KCNH7: variants seen among roughly 807,000 people sequenced by gnomAD.
The protein encoded by KCNH7 is potassium voltage-gated channel subfamily H member 7.
A neutral mutation model predicts 120.8 loss-of-function variants in KCNH7; 49 were observed. The observed-to-expected ratio is 0.41, with a 90% CI of 0.32 to 0.51. KCNH7 has a LOEUF of 0.51. Ranked by LOEUF, KCNH7 falls within the 20% of genes least tolerant of loss-of-function variation. KCNH7 has a pLI of 0.38. For synonymous variants in KCNH7, 547 were observed against 516.1 expected (o/e 1.06, Z -0.81); for missense variants, 1,097 against 1,446.6 (o/e 0.76, Z 3.92).
intron 2 of KCNH7, among the ~76,000 whole-genome samples, chr2:162,701,431 A>G (rs1686495144): frequency 6.6e-6 from 1 of 152,162 alleles, no homozygotes; most frequent in Admixed American, 6.6e-5. Context: ...GACACTGTCA[A>G]AAATTTATCT....
intron 2 of KCNH7, among the ~76,000 whole-genome samples, chr2:162,660,787 T>C (rs548130554): frequency 6.6e-6 from 1 of 152,188 alleles, no homozygotes; most frequent in Admixed American, 6.6e-5. Flanking sequence ...ATGTGTTAAA[T>C]CTAACACAAC....
intron 3 of KCNH7, among the ~76,000 whole-genome samples, chr2:162,522,589 T>G (rs952939657): frequency 6.6e-6 from 1 of 151,850 alleles, no homozygotes; most frequent in African/African-American, 2.4e-5. Flanking sequence ...ACACTGAAAA[T>G]CATCCTTGTA....
chr2:162,759,449 A>G (rs1688896153), intron 2 of KCNH7, among the ~76,000 whole-genome samples: 1 of 152,090 alleles, frequency 6.6e-6, no homozygotes, highest in Admixed American at 6.6e-5. Context: ...ATCACGGTAC[A>G]TTTTCAGTGG....
intron 6 of KCNH7, among the ~76,000 whole-genome samples, chr2:162,473,399 AT>A (rs1245016863): frequency 1.1e-4 from 16 of 152,144 alleles, no homozygotes; most frequent in African/African-American, 2.4e-5. Context: ...CCTTAATTTA[AT>A]TTGTGTCTTT....
chr2:162,446,870 T>C (rs950388160), intron 6 of KCNH7, among the ~76,000 whole-genome samples: 1 of 152,094 alleles, frequency 6.6e-6, no homozygotes, highest in Non-Finnish European at 1.5e-5. Context: ...CTTGGATCCA[T>C]GGTCACATTT....
chr2:162,786,781 G>A (rs565022853), intron 2 of KCNH7, among the ~76,000 whole-genome samples: 1 of 151,934 alleles, frequency 6.6e-6, no homozygotes, highest in Non-Finnish European at 1.5e-5. Context: ...TAAGAAGAGG[G>A]GTATCATCAG....
chr2:162,658,360 T>G (rs1263220389), intron 2 of KCNH7, among the ~76,000 whole-genome samples: 1 of 152,130 alleles, frequency 6.6e-6, no homozygotes, highest in African/African-American at 2.4e-5. Context: ...GTTTGTTTAT[T>G]CTTTTGTCAA....
intron 2 of KCNH7, among the ~76,000 whole-genome samples, chr2:162,579,063 A>T (rs1428126391): frequency 6.6e-6 from 1 of 152,034 alleles, no homozygotes; most frequent in Non-Finnish European, 1.5e-5. Flanking sequence ...GCATGAAGAA[A>T]AATGTGTCAG....
At chr2:162,710,230 T>A (rs1395668053) in intron 2 of KCNH7, among the ~76,000 whole-genome samples, 1 of 152,304 alleles carries the variant, frequency 6.6e-6, no homozygotes, top group East Asian at 1.9e-4. Context: ...ACAAATCTTT[T>A]ATAGACCCTG....
rs370501071 is a variant in KCNH7, at chr2:162,645,179, T to G, written c.308-108099A>C. Among the ~76,000 whole-genome samples the G allele has an allele frequency of 1.2e-4, 18 of 152,190 alleles. No homozygotes were observed. The East Asian group carries it at 3.5e-3, about 30-fold the overall frequency. ...GAAGCATTTTTTTTTAACAGAATTT[T>G]GCTCTGTCACCAGGCTGGAGTGCAG... On this transcript the variant is annotated intron_variant, in intron 2 of 15. Transcript: ENST00000332142.
intron 4 of KCNH7, among the ~76,000 whole-genome samples, chr2:162,516,106 C>T (rs144427008): frequency 7.4e-4 from 112 of 151,846 alleles, no homozygotes; most frequent in African/African-American, 2.4e-3. Flanking sequence ...CAATATTTAT[C>T]GCGTATCTGC....
At chr2:162,489,027 C>T (rs565461209) in intron 6 of KCNH7, among the ~76,000 whole-genome samples, 11 of 152,142 alleles carry the variant, frequency 7.2e-5, no homozygotes, top group South Asian at 6.2e-4. Flanking sequence ...CTAGCTAATT[C>T]GGTATTTTAA....
At chr2:162,578,107 C>T (rs1693749361) in intron 2 of KCNH7, among the ~76,000 whole-genome samples, 1 of 152,062 alleles carries the variant, frequency 6.6e-6, no homozygotes, top group African/African-American at 2.4e-5. Context: ...GGCTACAATG[C>T]ATACATGAGT....
intron 2 of KCNH7, among the ~76,000 whole-genome samples, chr2:162,771,200 C>T (rs926903147): frequency 2.6e-5 from 4 of 152,046 alleles, no homozygotes; most frequent in Admixed American, 6.6e-5. Flanking sequence ...TTATGGTTTC[C>T]GGCTTCTAAA....
intron 2 of KCNH7, among the ~76,000 whole-genome samples, chr2:162,657,871 A>G (rs1343698225): frequency 7.2e-6 from 1 of 138,784 alleles, no homozygotes; most frequent in Non-Finnish European, 1.5e-5. Flanking sequence ...CTCATAGAAG[A>G]TAACAAATAA....
intron 9 of KCNH7, among the ~76,000 whole-genome samples, chr2:162,405,571 G>A (rs903086307): frequency 1.3e-5 from 2 of 151,796 alleles, no homozygotes; most frequent in African/African-American, 2.4e-5. Context: ...GCACTTAATG[G>A]CATACAATTA....
At chr2:162,583,187 A>C (rs2105920192) in intron 2 of KCNH7, among the ~76,000 whole-genome samples, 1 of 152,172 alleles carries the variant, frequency 6.6e-6, no homozygotes, top group East Asian at 1.9e-4. Context: ...GGAAATTTTT[A>C]TTTATCAGAA....
At chr2:162,549,200 A>C (rs558014548) in intron 2 of KCNH7, among the ~76,000 whole-genome samples, 1 of 152,344 alleles carries the variant, frequency 6.6e-6, no homozygotes, top group Non-Finnish European at 1.5e-5. Flanking sequence ...GACTTCAGAG[A>C]TGCATGAGGC....
intron 9 of KCNH7, among the ~76,000 whole-genome samples, chr2:162,405,478 A>G (rs1173245079): frequency 1.3e-5 from 2 of 152,000 alleles, no homozygotes; most frequent in Non-Finnish European, 2.9e-5. Flanking sequence ...TTCATACTAA[A>G]CATCTATCAA....
Sources: gnomAD v4.1 joint callset for allele counts (sites outside exome capture counted in the v4.1 genomes callset) on GRCh38, gnomAD v4.1.1 for gene constraint, MANE v1.5 for transcripts, NCBI Gene and HGNC (gene_info 2026-07-23, HGNC 2026-07-21) for gene names.